Variants in RNF122 observed in about 807,000 individuals in gnomAD.
RNF122 encodes the protein ring finger protein 122.
A neutral mutation model predicts 24.2 loss-of-function variants in RNF122; 17 were observed. The observed-to-expected ratio is 0.70, with a 90% CI of 0.48 to 1.06. The LOEUF is 1.06. Ranked by LOEUF, RNF122 falls within the 50% of genes least tolerant of loss-of-function variation. RNF122 has a pLI of 0.00. For missense variants in RNF122, 168 were observed against 198.1 expected (o/e 0.85, Z 0.91); for synonymous variants, 65 against 71.8 (o/e 0.91, Z 0.48).
rs1231260955 is a variant in RNF122, at chr8:33,558,680, C to T, written c.117G>A (p.Met39Ile). 2 of 1,611,916 alleles carry T rather than the reference C, an allele frequency of 1.2e-6. No homozygotes were observed. The highest frequency in any genetic ancestry group is 1.1e-5 in the South Asian group (1 of 90,854). Residue 39 changes from methionine (M) to isoleucine (I), a missense_variant, in exon 2 of 6, where the codon ATG becomes ATA. Coordinates refer to ENST00000256257, the MANE Select transcript of RNF122 (RefSeq NM_024787.3). ...SFQDLPLNIY[M>I]VIFGTGIFVF... The stretch of plus-strand genomic sequence containing the variant: ...CAAAGATGCCTGTGCCGAAGATGAC[C>T]ATATAGATGTTGAGCGGAAGGTCCT...
Position 33,548,540 on chromosome 8 carries a change from A to T in RNF122, c.*213T>A. On this transcript the variant is annotated 3_prime_UTR_variant, in exon 6 of 6. Coordinates refer to ENST00000256257, the MANE Select transcript of RNF122 (RefSeq NM_024787.3). ...TTGATGGGTGAGGCCACCAGCATGG[A>T]GTAGCAGGGAAGAAGGCTTCAGGAG... The T allele has an allele frequency of 2.0e-6, 1 of 494,404 alleles. No individual in the cohort carries two copies. Among genetic ancestry groups the T allele is most frequent in the South Asian group, 3.1e-5 (1 of 32,418 alleles). 30.6% of individuals were successfully genotyped at this position (494,404 alleles called of 1,614,324 possible).
intron 2 of RNF122, among the ~76,000 whole-genome samples, chr8:33,554,110 G>A (rs1046660717): frequency 6.6e-6 from 1 of 152,170 alleles, no homozygotes; most frequent in Non-Finnish European, 1.5e-5. Flanking sequence ...CATACCCAAC[G>A]CTTAGGTGGC....
At chr8:33,556,179 C>CAAAAAAAAAAAAA (rs538829399) in intron 2 of RNF122, among the ~76,000 whole-genome samples, 4 of 33,986 alleles carry the variant, frequency 1.2e-4, no homozygotes, top group African/African-American at 4.1e-4. Flanking sequence ...GACCCTGTCT[C>CAAAAAAAAAAAAA]AAAAAAAAAA....
At chr8:33,550,590 G>C (rs1385016810) in intron 4 of RNF122, among the ~76,000 whole-genome samples, 3 of 152,150 alleles carry the variant, frequency 2.0e-5, no homozygotes, top group African/African-American at 7.2e-5. Context: ...TGGGGTGGGA[G>C]AGAAATGGCA....
chr8:33,556,798 A>G (rs544504406), intron 2 of RNF122, among the ~76,000 whole-genome samples: 4 of 152,218 alleles, frequency 2.6e-5, no homozygotes, highest in Non-Finnish European at 5.9e-5. Context: ...TCTCCTCTGC[A>G]TAGATTTTTA....
At chr8:33,566,344 G>A (rs1260910273) in intron 1 of RNF122, among the ~76,000 whole-genome samples, 2 of 152,194 alleles carry the variant, frequency 1.3e-5, no homozygotes, top group Non-Finnish European at 2.9e-5. Flanking sequence ...GCCCGAGTGC[G>A]GATTTAATTC....
intron 2 of RNF122, among the ~76,000 whole-genome samples, chr8:33,553,823 G>T (rs1810411858): frequency 6.6e-6 from 1 of 152,176 alleles, no homozygotes; most frequent in Non-Finnish European, 1.5e-5. Flanking sequence ...AGGAAGTCAG[G>T]TGTCCTGGCG....
rs779988456 is a variant in RNF122, at chr8:33,566,712, G to A, written c.12C>T (p.Phe4=). The A allele has an allele frequency of 3.7e-6, 6 of 1,605,938 alleles. No individual in the cohort carries two copies. The highest frequency in any genetic ancestry group is 1.7e-5 in the Admixed American group (1 of 58,814). The stretch of plus-strand genomic sequence containing the variant: ...CCGGGGACTCACCGTTACACCACTG[G>A]AATGGGTGCATCAATGAAGTCGCGG... The part of the protein sequence containing the change: MHP[F]QWCNGCFCGL... The change falls in exon 1 of 6, where the codon TTC becomes TTT. Residue 4 remains phenylalanine (F), a synonymous_variant. Transcript: ENST00000256257.
intron 1 of RNF122, among the ~76,000 whole-genome samples, chr8:33,564,568 CTCT>C (rs1420048757): frequency 3.0e-5 from 3 of 98,666 alleles, no homozygotes; most frequent in Non-Finnish European, 5.9e-5. Flanking sequence ...GTGAGACCCT[CTCT>C]CAAAAAAAAA....
intron 4 of RNF122, among the ~76,000 whole-genome samples, chr8:33,550,093 C>A (rs1223317454): frequency 6.6e-6 from 1 of 152,110 alleles, no homozygotes; most frequent in Non-Finnish European, 1.5e-5. Context: ...GCCACCACAC[C>A]CAGCTAATTT....
At chr8:33,556,753 A>T (rs1810458902) in intron 2 of RNF122, among the ~76,000 whole-genome samples, 2 of 152,224 alleles carry the variant, frequency 1.3e-5, no homozygotes, top group Non-Finnish European at 2.9e-5. Context: ...TGCAATCTTC[A>T]GACCCAACTG....
chr8:33,566,873 G>C lies in RNF122; in HGVS notation c.-150C>G. ...TGCTGGAGAAGCCGAACTCCCTCCG[G>C]AGTGGGGGGCTTTGACGAGGCTGGT... On this transcript the variant is annotated 5_prime_UTR_variant, in exon 1 of 6. Transcript: ENST00000256257. The C allele has an allele frequency of 1.2e-6, 1 of 812,670 alleles. No individual in the cohort carries two copies. 50.3% of individuals were successfully genotyped at this position (812,670 alleles called of 1,614,324 possible).
rs533272829 is a variant in RNF122, at chr8:33,551,164, G to A, written c.229-79C>T. Reference sequence around the variant, plus strand: ...GCCAGGTAGTATCAACCAATGAAGGGAGTCCCCTGGACTGCCTGGGGCAAG... The same window carrying A: ...GCCAGGTAGTATCAACCAATGAAGGAAGTCCCCTGGACTGCCTGGGGCAAG... On this transcript the variant is annotated intron_variant, in intron 3 of 5. Coordinates refer to ENST00000256257, the MANE Select transcript of RNF122 (RefSeq NM_024787.3). The A allele has an allele frequency of 2.4e-5, 37 of 1,529,576 alleles. No homozygotes were observed. In the South Asian group the frequency reaches 4.0e-4, roughly 17 times the overall value. 94.8% of individuals were successfully genotyped at this position (1,529,576 alleles called of 1,614,324 possible).
At chr8:33,558,856 T>C in intron 1 of RNF122, 85 bp from the exon 2 acceptor site, 2 of 1,106,932 alleles carry the variant, frequency 1.8e-6, no homozygotes, top group Non-Finnish European at 2.5e-6. Context: ...TAGAAATAAC[T>C]GGCAGGCTCT....
rs1056727167 is a variant in RNF122, at chr8:33,558,465, G to A, written c.182+150C>T. On this transcript the variant is annotated intron_variant, in intron 2 of 5. Transcript: ENST00000256257. The stretch of plus-strand genomic sequence containing the variant: ...GAAACACCAGATCCTCAGGGGCCTA[G>A]AGAAGGGCAGGCTCAGCCGTGTCCT... 1.1e-5 allele frequency: 6 copies of A among 523,430 alleles called. No individual in the cohort carries two copies. In the African/African-American group the frequency reaches 1.1e-4, roughly 10 times the overall value. The allele number at this position is 523,430 out of a possible 1,614,324, so 32.4% of individuals were successfully genotyped here. A position where few individuals can be genotyped will look rare whatever the true frequency, so the allele number is the denominator to read the frequency against.
intron 2 of RNF122, among the ~76,000 whole-genome samples, chr8:33,555,324 T>C (rs2128839300): frequency 6.6e-6 from 1 of 152,268 alleles, no homozygotes; most frequent in Middle Eastern, 3.4e-3. Context: ...TGCCTCAGCC[T>C]CCCAAGTAGC....
intron 2 of RNF122, among the ~76,000 whole-genome samples, chr8:33,554,092 G>A (rs949690231): frequency 2.6e-5 from 4 of 152,216 alleles, no homozygotes; most frequent in African/African-American, 9.7e-5. Context: ...CAAATGAGCA[G>A]GGCAGGACAT....
rs1810322926 is a variant in RNF122, at chr8:33,548,607, G to T, written c.*146C>A. ...CATCTGGCACTGGTCTTGCACTGAG[G>T]GTAGAAGCCCAGTCCTAGACCACCC... On this transcript the variant is annotated 3_prime_UTR_variant, in exon 6 of 6. Coordinates refer to ENST00000256257, the MANE Select transcript of RNF122 (RefSeq NM_024787.3). 1.6e-6 allele frequency: 1 copy of T among 617,086 alleles called. No homozygotes were observed. The highest frequency in any genetic ancestry group is 2.9e-6 in the Non-Finnish European group (1 of 339,530). The allele number at this position is 617,086 out of a possible 1,614,324, so 38.2% of individuals were successfully genotyped here. A position where few individuals can be genotyped will look rare whatever the true frequency, so the allele number is the denominator to read the frequency against.
chr8:33,566,150 G>A (rs987460890), intron 1 of RNF122, among the ~76,000 whole-genome samples: 2 of 152,170 alleles, frequency 1.3e-5, no homozygotes, highest in Admixed American at 6.5e-5. Flanking sequence ...ACCGCGCCTG[G>A]CCGAAAGCGA....
Sources: allele counts gnomAD v4.1 joint callset (sites outside exome capture counted in the v4.1 genomes callset), GRCh38; gene constraint gnomAD v4.1.1; transcripts MANE v1.5; gene names NCBI Gene and HGNC (gene_info 2026-07-23, HGNC 2026-07-21).